Variants in SLC35F4 observed in about 807,000 individuals in gnomAD.
SLC35F4 encodes solute carrier family 35 member F4.
A neutral mutation model predicts 44.2 loss-of-function variants in SLC35F4; 24 were observed. That is an observed-to-expected ratio of 0.54 (90% CI 0.39 to 0.76). SLC35F4 has a LOEUF of 0.76. SLC35F4 is among the 30% of genes least tolerant of loss of function. The pLI, the probability that SLC35F4 is intolerant of heterozygous loss-of-function variation, is 0.00. For missense variants in SLC35F4, 562 were observed against 586.1 expected (o/e 0.96, Z 0.42); for synonymous variants, 238 against 223.6 (o/e 1.06, Z -0.57).
intron 1 of SLC35F4, among the ~76,000 whole-genome samples, chr14:57,758,949 T>C (rs2077059574): frequency 6.6e-6 from 1 of 152,188 alleles, no homozygotes; most frequent in Non-Finnish European, 1.5e-5. Context: ...TGAGTTTGAC[T>C]ATTATAAACA....
chr14:57,642,262 G>A (rs979218042), intron 1 of SLC35F4, among the ~76,000 whole-genome samples: 1 of 151,632 alleles, frequency 6.6e-6, no homozygotes, highest in Non-Finnish European at 1.5e-5. Flanking sequence ...TTCCATTGTT[G>A]GTGAAGGTGT....
chr14:57,736,561 TCAACAGGCCC>T (rs1287195986), intron 1 of SLC35F4, among the ~76,000 whole-genome samples: 2 of 152,124 alleles, frequency 1.3e-5, no homozygotes, highest in Non-Finnish European at 2.9e-5. Flanking sequence ...CTCCACATAT[TCAACAGGCCC>T]CGACAAGGCC....
chr14:57,851,534 C>G (rs1048567284), intron 1 of SLC35F4, among the ~76,000 whole-genome samples: 1 of 152,130 alleles, frequency 6.6e-6, no homozygotes, highest in African/African-American at 2.4e-5. Flanking sequence ...AGTCAAACAT[C>G]AATTTAATCC....
Position 57,566,715 on chromosome 14 carries a change from T to C in SLC35F4, c.1127-151A>G, listed in dbSNP as rs764643817. On this transcript the variant is annotated intron_variant, in intron 6 of 7. Coordinates refer to ENST00000556826, the MANE Select transcript of SLC35F4 (RefSeq NM_001306087.2). The stretch of plus-strand genomic sequence containing the variant: ...CTAATTTTGGAGATGGATGCATGTG[T>C]ATTCTACCTGAATTAGTCATTTTCT... Among the ~76,000 whole-genome samples, 58 of 152,254 alleles carry C rather than the reference T, an allele frequency of 3.8e-4. 1 individual carries two copies. The highest frequency in any genetic ancestry group is 5.2e-4 in the Admixed American group (8 of 15,292).
Position 57,961,812 on chromosome 14 carries a change from C to A in SLC35F4, n.282+20101G>T, listed in dbSNP as rs564252443. Among the ~76,000 whole-genome samples the A allele has an allele frequency of 1.3e-3, 201 of 152,280 alleles. 1 individual carries two copies. Among genetic ancestry groups the A allele is most frequent in the African/African-American group, 4.7e-3 (194 of 41,538 alleles). On this transcript the variant is annotated intron_variant and non_coding_transcript_variant, in intron 1 of 1. Coordinates refer to the SLC35F4 transcript ENST00000556568. ...TCCTTTTCATTCCTCAAGCCTCAGCCCTCCCTGCCTCAACTGACGACTTTA... is the reference window on the plus strand; with the variant it reads ...TCCTTTTCATTCCTCAAGCCTCAGCACTCCCTGCCTCAACTGACGACTTTA...
At chr14:57,655,840 A>C (rs1751762994) in intron 1 of SLC35F4, among the ~76,000 whole-genome samples, 1 of 152,136 alleles carries the variant, frequency 6.6e-6, no homozygotes, top group Non-Finnish European at 1.5e-5. Context: ...ACTCCTAATA[A>C]AGTGCCAAAA....
At chr14:57,903,283 G>A (rs1889044090) in intron 1 of SLC35F4, among the ~76,000 whole-genome samples, 1 of 152,158 alleles carries the variant, frequency 6.6e-6, no homozygotes, top group South Asian at 2.1e-4. Flanking sequence ...AAATTCTTAA[G>A]AGAAAACATC....
chr14:57,729,743 C>G (rs1351977972), intron 1 of SLC35F4, among the ~76,000 whole-genome samples: 1 of 152,182 alleles, frequency 6.6e-6, no homozygotes, highest in Non-Finnish European at 1.5e-5. Context: ...TATGCTAGTT[C>G]ACTGACTCTA....
intron 1 of SLC35F4, among the ~76,000 whole-genome samples, chr14:57,933,005 G>C (rs555522793): frequency 1.3e-5 from 2 of 151,204 alleles, no homozygotes; most frequent in African/African-American, 4.9e-5. Flanking sequence ...AATCAACCTC[G>C]GAAGGTTAAT....
intron 1 of SLC35F4, among the ~76,000 whole-genome samples, chr14:57,706,934 T>C (rs1404764271): frequency 6.6e-6 from 1 of 152,182 alleles, no homozygotes; most frequent in Non-Finnish European, 1.5e-5. Flanking sequence ...AAAAGATCTC[T>C]CTCTCTGGCT....
chr14:57,915,933 G>T (rs1257987697), intron 1 of SLC35F4, among the ~76,000 whole-genome samples: 1 of 152,062 alleles, frequency 6.6e-6, no homozygotes, highest in Non-Finnish European at 1.5e-5. Context: ...CCATCCCCAA[G>T]TTCCAACACC....
intron 1 of SLC35F4, among the ~76,000 whole-genome samples, chr14:57,633,833 T>C (rs1299236768): frequency 2.0e-5 from 3 of 152,132 alleles, no homozygotes; most frequent in Non-Finnish European, 2.9e-5. Context: ...CTCAGATGTA[T>C]ACAAGTTGTG....
chr14:57,927,098 G>C (rs917840587), intron 1 of SLC35F4, among the ~76,000 whole-genome samples: 15 of 152,310 alleles, frequency 9.8e-5, no homozygotes, highest in South Asian at 6.2e-4. Context: ...GCCCCTGCAA[G>C]TGACACCCCA....
chr14:57,902,575 AAAGAAG>A (rs543650117), intron 1 of SLC35F4, among the ~76,000 whole-genome samples: 23 of 149,890 alleles, frequency 1.5e-4, no homozygotes, highest in Admixed American at 6.0e-4. Context: ...AAAAAAAAAA[AAAGAAG>A]AAGAAGAAGA....
chr14:57,847,323 C>A (rs1595201789), intron 1 of SLC35F4, among the ~76,000 whole-genome samples: 1 of 152,068 alleles, frequency 6.6e-6, no homozygotes, highest in East Asian at 1.9e-4. Context: ...TTTTTTTTCA[C>A]TCCCAGATGT....
At chr14:57,623,525 T>C (rs1468772059) in intron 1 of SLC35F4, among the ~76,000 whole-genome samples, 1 of 152,126 alleles carries the variant, frequency 6.6e-6, no homozygotes, top group Non-Finnish European at 1.5e-5. Flanking sequence ...CAGCACCACA[T>C]TGCACTTATT....
intron 1 of SLC35F4, among the ~76,000 whole-genome samples, chr14:57,767,235 G>T (rs1265568782): frequency 6.6e-6 from 1 of 152,128 alleles, no homozygotes; most frequent in African/African-American, 2.4e-5. Context: ...CAACAAATAT[G>T]ATCTAATTGG....
At chr14:57,650,484 A>G (rs1647690531) in intron 1 of SLC35F4, among the ~76,000 whole-genome samples, 1 of 152,028 alleles carries the variant, frequency 6.6e-6, no homozygotes, top group Admixed American at 6.6e-5. Flanking sequence ...GATTTGCCCA[A>G]AACACACCTC....
chr14:57,926,743 A>G lies in SLC35F4; in HGVS notation n.282+55170T>C, dbSNP rs1363050612. Among the ~76,000 whole-genome samples the G allele has an allele frequency of 2.7e-5, 4 of 150,540 alleles. No individual in the cohort carries two copies. The East Asian group carries it at 5.8e-4, about 22-fold the overall frequency. On this transcript the variant is annotated intron_variant and non_coding_transcript_variant, in intron 1 of 1. Transcript: ENST00000556568. The stretch of plus-strand genomic sequence containing the variant: ...GTAGGGTTGGGGGGGGGGGGTGGAT[A>G]TATATAGCCAAAGGCACAGTGATGC...
Sources: allele counts gnomAD v4.1 joint callset (sites outside exome capture counted in the v4.1 genomes callset), GRCh38; gene constraint gnomAD v4.1.1; transcripts MANE v1.5; gene names NCBI Gene and HGNC (gene_info 2026-07-23, HGNC 2026-07-21).